Variants in ZBTB7C observed in about 807,000 individuals in gnomAD.
The protein encoded by ZBTB7C is zinc finger and BTB domain containing 7C.
A neutral mutation model predicts 25.7 loss-of-function variants in ZBTB7C; 8 were observed. That is an observed-to-expected ratio of 0.31 (90% confidence interval 0.18 to 0.56). The LOEUF (loss-of-function observed/expected upper bound fraction) is 0.56, where lower values mean the gene tolerates loss of function less well. Among genes scored for constraint, ZBTB7C ranks in the 20% least tolerant of loss-of-function variants. ZBTB7C has a pLI of 0.91. For synonymous variants in ZBTB7C, 394 were observed against 369.0 expected (o/e 1.07, Z -0.78); for missense variants, 824 against 855.2 (o/e 0.96, Z 0.46).
chr18:48,113,905 G>A (rs982057349), intron 3 of ZBTB7C, among the ~76,000 whole-genome samples: 4 of 152,182 alleles, frequency 2.6e-5, no homozygotes, highest in Non-Finnish European at 5.9e-5. Flanking sequence ...GCCTGGGGCC[G>A]GCTGTAAAAT....
intron 1 of ZBTB7C, among the ~76,000 whole-genome samples, chr18:48,407,368 T>G (rs2048304716): frequency 6.6e-6 from 1 of 152,130 alleles, no homozygotes; most frequent in Non-Finnish European, 1.5e-5. Flanking sequence ...GCAGGAAAAG[T>G]TGGGATAGTG....
chr18:48,263,428 C>T (rs373782207), intron 2 of ZBTB7C, among the ~76,000 whole-genome samples: 16 of 152,350 alleles, frequency 1.1e-4, no homozygotes, highest in African/African-American at 3.8e-4. Flanking sequence ...TCTGCAGCCA[C>T]TCGTCCAGAC....
At chr18:48,144,075 C>G (rs1475561084) in intron 3 of ZBTB7C, among the ~76,000 whole-genome samples, 1 of 152,052 alleles carries the variant, frequency 6.6e-6, no homozygotes, top group African/African-American at 2.4e-5. Context: ...GTCAGGAGTT[C>G]GAGACCAGCC....
At chr18:48,186,766 G>A (rs1473371476) in intron 2 of ZBTB7C, among the ~76,000 whole-genome samples, 1 of 152,190 alleles carries the variant, frequency 6.6e-6, no homozygotes, top group African/African-American at 2.4e-5. Context: ...GATTTTTGGA[G>A]GGAGTCAGGA....
At chr18:48,090,995 G>T (rs1007313437) in intron 3 of ZBTB7C, among the ~76,000 whole-genome samples, 1 of 151,198 alleles carries the variant, frequency 6.6e-6, no homozygotes, top group African/African-American at 2.4e-5. Context: ...TGGTAGCCAT[G>T]ATAAAAAGGA....
At chr18:48,392,345 C>T (rs1438970920) in intron 1 of ZBTB7C, among the ~76,000 whole-genome samples, 2 of 152,120 alleles carry the variant, frequency 1.3e-5, no homozygotes, top group Admixed American at 6.5e-5. Context: ...TTTTTCAGAA[C>T]TTCCTTTCAA....
At chr18:48,161,278 G>A (rs538533433) in intron 3 of ZBTB7C, among the ~76,000 whole-genome samples, 1 of 152,212 alleles carries the variant, frequency 6.6e-6, no homozygotes, top group South Asian at 2.1e-4. Flanking sequence ...AGTTCTCCAG[G>A]AGGGCTGGGA....
At chr18:48,064,338 A>T (rs1029885813) in intron 3 of ZBTB7C, among the ~76,000 whole-genome samples, 7 of 152,224 alleles carry the variant, frequency 4.6e-5, no homozygotes, top group African/African-American at 1.7e-4. Context: ...GGCTAGTCCT[A>T]TAGTAGTACT....
chr18:48,196,304 G>A lies in ZBTB7C; in HGVS notation c.-78-10309C>T, dbSNP rs181640894. Among the ~76,000 whole-genome samples the A allele has an allele frequency of 3.3e-4, 50 of 152,178 alleles. 1 individual carries two copies. In the South Asian group the frequency reaches 7.7e-3, roughly 23 times the overall value. ...ATCTCTCCAGATGCCTTTCCCCTCC[G>A]TGCATCCCCACCCAAGACTTCCTCC... On this transcript the variant is annotated intron_variant, in intron 2 of 4. Transcript: ENST00000590800.
At chr18:48,078,214 T>C (rs1338378589) in intron 3 of ZBTB7C, among the ~76,000 whole-genome samples, 1 of 152,134 alleles carries the variant, frequency 6.6e-6, no homozygotes, top group East Asian at 1.9e-4. Context: ...ATTCTCAAGC[T>C]CCTGCAATAT....
intron 2 of ZBTB7C, among the ~76,000 whole-genome samples, chr18:48,238,351 C>T (rs530422726): frequency 6.6e-6 from 1 of 152,322 alleles, no homozygotes; most frequent in East Asian, 1.9e-4. Context: ...GAACTTTTGC[C>T]TCAAGAACTA....
At chr18:48,198,048 A>T (rs1334616559) in intron 2 of ZBTB7C, among the ~76,000 whole-genome samples, 5 of 152,172 alleles carry the variant, frequency 3.3e-5, no homozygotes, top group African/African-American at 1.2e-4. Flanking sequence ...TGATTCATGG[A>T]TGAGCACAAG....
chr18:48,399,541 G>A (rs1445282977), intron 1 of ZBTB7C, among the ~76,000 whole-genome samples: 2 of 152,124 alleles, frequency 1.3e-5, no homozygotes, highest in Non-Finnish European at 2.9e-5. Context: ...GTGGGGTGGC[G>A]GGTGGCAGCT....
intron 3 of ZBTB7C, among the ~76,000 whole-genome samples, chr18:48,083,265 A>G (rs2144499621): frequency 6.6e-6 from 1 of 152,210 alleles, no homozygotes; most frequent in African/African-American, 2.4e-5. Flanking sequence ...TTTGAAAAAC[A>G]CTGCCTTAAA....
intron 2 of ZBTB7C, among the ~76,000 whole-genome samples, chr18:48,323,262 G>C (rs1423456974): frequency 6.6e-6 from 1 of 152,218 alleles, no homozygotes; most frequent in African/African-American, 2.4e-5. Flanking sequence ...CTTGTGAGGA[G>C]GTCTAACATC....
intron 3 of ZBTB7C, among the ~76,000 whole-genome samples, chr18:48,084,468 C>T (rs2038110714): frequency 6.6e-6 from 1 of 152,186 alleles, no homozygotes; most frequent in South Asian, 2.1e-4. Flanking sequence ...TCTTGAGGTC[C>T]CTGCAGCTCC....
intron 2 of ZBTB7C, among the ~76,000 whole-genome samples, chr18:48,321,456 G>C (rs1007865500): frequency 6.6e-6 from 1 of 152,284 alleles, no homozygotes; most frequent in Non-Finnish European, 1.5e-5. Context: ...CCGCCTCGCA[G>C]CCTGGAGAGT....
intron 2 of ZBTB7C, among the ~76,000 whole-genome samples, chr18:48,330,242 G>C (rs923756585): frequency 6.6e-6 from 1 of 152,194 alleles, no homozygotes; most frequent in Non-Finnish European, 1.5e-5. Context: ...CAGGGCACCT[G>C]GGCACGGAAT....
At chr18:48,305,520 C>T (rs1031094711) in intron 2 of ZBTB7C, among the ~76,000 whole-genome samples, 6 of 152,118 alleles carry the variant, frequency 3.9e-5, no homozygotes, top group Admixed American at 3.3e-4. Context: ...CCCAGCACCG[C>T]GTGAGACACG....
Sources: allele counts gnomAD v4.1 joint callset (sites outside exome capture counted in the v4.1 genomes callset), GRCh38; gene constraint gnomAD v4.1.1; transcripts MANE v1.5; gene names NCBI Gene and HGNC (gene_info 2026-07-23, HGNC 2026-07-21).